Variants in CCBE1 observed in about 807,000 individuals in gnomAD.
CCBE1 encodes collagen and calcium-binding EGF domain-containing protein 1.
CCBE1 carries 37 observed loss-of-function variants against 50.0 expected under a neutral mutation model. The ratio of observed to expected loss-of-function variants is 0.74; its 90% CI spans 0.57 to 0.97. The LOEUF (loss-of-function observed/expected upper bound fraction) is 0.97. Ranked by LOEUF, CCBE1 falls within the 50% of genes least tolerant of loss-of-function variation. CCBE1 has a pLI of 0.00. For synonymous variants in CCBE1, 234 were observed against 203.7 expected (o/e 1.15, Z -1.27); for missense variants, 538 against 523.8 (o/e 1.03, Z -0.26).
chr18:59,636,991 C>T (rs1342452368), intron 2 of CCBE1, among the ~76,000 whole-genome samples: 2 of 152,180 alleles, frequency 1.3e-5, no homozygotes, highest in African/African-American at 4.8e-5. Flanking sequence ...TTTGTGTGAA[C>T]ATTCCCCTGG....
At chr18:59,519,144 A>G (rs1914495635) in intron 2 of CCBE1, among the ~76,000 whole-genome samples, 1 of 152,180 alleles carries the variant, frequency 6.6e-6, no homozygotes, top group Admixed American at 6.5e-5. Flanking sequence ...CACCCATATT[A>G]TAAGCCAGCT....
chr18:59,474,468 G>A (rs1912215961), intron 3 of CCBE1, among the ~76,000 whole-genome samples: 1 of 152,216 alleles, frequency 6.6e-6, no homozygotes, highest in Non-Finnish European at 1.5e-5. Context: ...AATGCCCACA[G>A]AAGACATTTC....
chr18:59,696,401 A>G, intron 2 of CCBE1: 1 of 1,147,770 alleles, frequency 8.7e-7, no homozygotes, highest in East Asian at 2.9e-5. Flanking sequence ...AACCATCCTC[A>G]GGATCTCAGG....
chr18:59,650,729 T>G (rs1177438331), intron 2 of CCBE1, among the ~76,000 whole-genome samples: 3 of 151,462 alleles, frequency 2.0e-5, no homozygotes, highest in Non-Finnish European at 4.4e-5. Flanking sequence ...TTATTCATCA[T>G]GAATTTCTCC....
At position 59,476,118 on chromosome 18, in the gene CCBE1, T is replaced by C. The variant is rs184973206; in HGVS notation, c.265+4068A>G. ...TATAGGTTCTGGGACAACCCTCCCA[T>C]CTCTGCCACTATCTCGGTGATCCTG... On this transcript the variant is annotated intron_variant, in intron 3 of 10. Transcript: ENST00000439986. Among the ~76,000 whole-genome samples the C allele has an allele frequency of 1.1e-3, 171 of 152,150 alleles. 1 individual carries two copies. Among genetic ancestry groups the C allele is most frequent in the Admixed American group, 4.2e-3 (64 of 15,292 alleles).
At chr18:59,528,020 G>T (rs376685294) in intron 2 of CCBE1, among the ~76,000 whole-genome samples, 8 of 152,100 alleles carry the variant, frequency 5.3e-5, no homozygotes, top group East Asian at 1.9e-4. Context: ...TAGAATGTTG[G>T]CCTATCTTGC....
chr18:59,483,785 A>C (rs778755944), intron 2 of CCBE1, among the ~76,000 whole-genome samples: 2 of 152,212 alleles, frequency 1.3e-5, no homozygotes, highest in Non-Finnish European at 2.9e-5. Flanking sequence ...AAGCATATGA[A>C]GTATGCTTTC....
intron 2 of CCBE1, among the ~76,000 whole-genome samples, chr18:59,533,251 T>C (rs964226245): frequency 6.6e-6 from 1 of 152,218 alleles, no homozygotes; most frequent in African/African-American, 2.4e-5. Flanking sequence ...TAAAATTAAA[T>C]GCTAGTGATA....
chr18:59,449,699 T>C (rs150945921), intron 6 of CCBE1, among the ~76,000 whole-genome samples: 10 of 151,930 alleles, frequency 6.6e-5, no homozygotes, highest in African/African-American at 2.4e-4. Context: ...GTGACTTTGG[T>C]AAGTCCCTTC....
chr18:59,511,783 G>A (rs1914143577), intron 2 of CCBE1, among the ~76,000 whole-genome samples: 1 of 152,126 alleles, frequency 6.6e-6, no homozygotes, highest in Non-Finnish European at 1.5e-5. Flanking sequence ...GCTGTTGTGA[G>A]CACAACTCTA....
chr18:59,623,391 T>C (rs1421666598), intron 2 of CCBE1, among the ~76,000 whole-genome samples: 1 of 152,128 alleles, frequency 6.6e-6, no homozygotes, highest in Non-Finnish European at 1.5e-5. Flanking sequence ...AGGCATGGTG[T>C]GTGGTCAGGG....
chr18:59,435,625 T>C lies in CCBE1; in HGVS notation c.*283A>G. The C allele has an allele frequency of 2.1e-6, 1 of 470,404 alleles. No homozygotes were observed. The highest frequency in any genetic ancestry group is 3.9e-6 in the Non-Finnish European group (1 of 258,706). 29.1% of individuals were successfully genotyped at this position (470,404 alleles called of 1,614,324 possible). On this transcript the variant is annotated 3_prime_UTR_variant, in exon 11 of 11. Transcript: ENST00000439986. ...TGAGAGTACTTAAATCCAAAGTTCCTGGAAAAATAGGATGTAAAAGAAAAG... is the reference window on the plus strand; with the variant it reads ...TGAGAGTACTTAAATCCAAAGTTCCCGGAAAAATAGGATGTAAAAGAAAAG...
chr18:59,553,939 T>C (rs1474467695), intron 2 of CCBE1, among the ~76,000 whole-genome samples: 1 of 152,248 alleles, frequency 6.6e-6, no homozygotes, highest in Non-Finnish European at 1.5e-5. Context: ...GTCACTGCTG[T>C]GGACATAACA....
chr18:59,509,226 C>T (rs1221716333), intron 2 of CCBE1, among the ~76,000 whole-genome samples: 1 of 152,120 alleles, frequency 6.6e-6, no homozygotes, highest in African/African-American at 2.4e-5. Context: ...TATTTATCAA[C>T]ATTGGTAGTT....
chr18:59,674,417 A>C (rs578102551), intron 2 of CCBE1, among the ~76,000 whole-genome samples: 1 of 152,248 alleles, frequency 6.6e-6, no homozygotes, highest in African/African-American at 2.4e-5. Context: ...GGAGTTGAAC[A>C]ATGAGAACAC....
intron 2 of CCBE1, among the ~76,000 whole-genome samples, chr18:59,620,061 A>G (rs1392753138): frequency 6.6e-6 from 1 of 152,206 alleles, no homozygotes; most frequent in Admixed American, 6.5e-5. Context: ...GGAGGGGAAT[A>G]GGAAAGGAAA....
At chr18:59,447,952 A>G (rs1191359104) in intron 7 of CCBE1, 31 bp downstream of exon 7, 2 of 1,613,584 alleles carry the variant, frequency 1.2e-6, no homozygotes, top group African/African-American at 2.7e-5. Context: ...TCTGTTGGTG[A>G]TCACCCTCCT....
At chr18:59,626,473 A>G (rs761369766) in intron 2 of CCBE1, among the ~76,000 whole-genome samples, 1 of 152,266 alleles carries the variant, frequency 6.6e-6, no homozygotes. Context: ...AGGCTTATGT[A>G]GCCCTGGCAC....
intron 2 of CCBE1, among the ~76,000 whole-genome samples, chr18:59,663,809 T>TA (rs1175357119): frequency 6.6e-6 from 1 of 152,066 alleles, no homozygotes; most frequent in Non-Finnish European, 1.5e-5. Flanking sequence ...GGTAATCAAT[T>TA]ACATTATGAA....
Sources: gnomAD v4.1 joint callset for allele counts (sites outside exome capture counted in the v4.1 genomes callset) on GRCh38, gnomAD v4.1.1 for gene constraint, MANE v1.5 for transcripts, NCBI Gene and HGNC (gene_info 2026-07-23, HGNC 2026-07-21) for gene names.